MTMR14: variants seen among roughly 807,000 people sequenced by gnomAD.
The protein encoded by MTMR14 is myotubularin related protein 14.
Under a neutral mutation model 86.3 loss-of-function variants are expected in MTMR14, and 48 were observed. That is an observed-to-expected ratio of 0.56 (90% CI 0.44 to 0.71). MTMR14 has a LOEUF of 0.71. Among genes scored for constraint, MTMR14 ranks in the 30% least tolerant of loss-of-function variants. The pLI is 0.00. For synonymous variants in MTMR14, 366 were observed against 326.1 expected, an observed-to-expected ratio of 1.12 and a Z score of -1.32; for missense variants, 780 against 834.6, an observed-to-expected ratio of 0.93 and a Z score of 0.81.
chr3:9,669,351 G>C (rs1187588357), intron 4 of MTMR14, 81 bp from the exon 5 acceptor site: 1 of 1,443,158 alleles, frequency 6.9e-7, no homozygotes, highest in Non-Finnish European at 9.6e-7. Context: ...TGGCACTATG[G>C]GGAAGGAGGC....
In MTMR14 at chr3:9,672,753, A is replaced by G. The variant is rs767190111; in HGVS notation, c.746A>G (p.Tyr249Cys). 2 of 1,614,162 alleles carry G rather than the reference A, an allele frequency of 1.2e-6. No individual in the cohort carries two copies. Among genetic ancestry groups the G allele is most frequent in the Non-Finnish European group, 1.7e-6 (2 of 1,180,016 alleles). Residue 249 changes from tyrosine to cysteine, a missense_variant, in exon 7 of 19, where the codon TAT (tyrosine) becomes TGT (cysteine). Coordinates refer to ENST00000296003, the MANE Select transcript of MTMR14 (RefSeq NM_001077525.3). ...YADFTLLSIP[Y>C]PGCEFFKEYK... ...GACTTCACTCTCCTCTCCATCCCGTATCCAGGTAGGGGGCTCTCTTCTAGT... is the reference window on the plus strand; with the variant it reads ...GACTTCACTCTCCTCTCCATCCCGTGTCCAGGTAGGGGGCTCTCTTCTAGT...
At chr3:9,657,562 T>C (rs2047681102) in intron 2 of MTMR14, among the ~76,000 whole-genome samples, 1 of 151,692 alleles carries the variant, frequency 6.6e-6, no homozygotes, top group Non-Finnish European at 1.5e-5. Flanking sequence ...TTTTTTTCAA[T>C]TTGATATGGA....
intron 3 of MTMR14, among the ~76,000 whole-genome samples, chr3:9,666,195 G>GC (rs1377009541): frequency 6.9e-6 from 1 of 145,348 alleles, no homozygotes; most frequent in African/African-American, 2.6e-5. Context: ...GTGCAGTGGT[G>GC]CCATCTTGGC....
At chr3:9,683,455 T>G (rs2075836504) in intron 10 of MTMR14, 2 of 580,618 alleles carry the variant, frequency 3.4e-6, no homozygotes, top group African/African-American at 3.7e-5. Flanking sequence ...AAAACAAAAT[T>G]AAGAACTCCT....
At chr3:9,695,197 C>A (rs1397083737) in intron 17 of MTMR14, among the ~76,000 whole-genome samples, 1 of 152,208 alleles carries the variant, frequency 6.6e-6, no homozygotes. Context: ...CAGGTCCTTA[C>A]TCCCGGTGAC....
chr3:9,687,784 T>C, intron 13 of MTMR14, 37 bp from the exon 14 acceptor site: 1 of 1,544,740 alleles, frequency 6.5e-7, no homozygotes. Flanking sequence ...GCTGCCTTGG[T>C]TCTTCTCATT....
At chr3:9,675,147 T>A (rs2048785863) in intron 7 of MTMR14, among the ~76,000 whole-genome samples, 1 of 151,976 alleles carries the variant, frequency 6.6e-6, no homozygotes, top group Non-Finnish European at 1.5e-5. Flanking sequence ...ATAAAAGGCA[T>A]CAAAAGAGAC....
chr3:9,685,322 C>T (rs1375714324), intron 13 of MTMR14, 75 bp downstream of exon 13: 30 of 1,569,014 alleles, frequency 1.9e-5, no homozygotes, highest in Admixed American at 6.7e-5. Flanking sequence ...GTCTGAGTTC[C>T]ACGTGTTAGG....
rs151338402 is a variant in MTMR14 at position 9,658,572 on chromosome 3, T to C, written c.309-3695T>C. On this transcript the variant is annotated intron_variant, in intron 2 of 18. Coordinates refer to ENST00000296003, the MANE Select transcript of MTMR14 (RefSeq NM_001077525.3). ...GTACAGGTGAGGCCCTGCCGGATAG[T>C]GGTTAAAACCATGGGCCCAGTGGCT... Among the ~76,000 whole-genome samples the C allele has an allele frequency of 2.7e-3, 404 of 152,330 alleles. 3 individuals are homozygous for C. The highest frequency in any genetic ancestry group is 9.4e-3 in the African/African-American group (390 of 41,580).
intron 18 of MTMR14, chr3:9,700,765 T>C (rs1311038080): frequency 6.6e-6 from 1 of 152,122 alleles, no homozygotes; most frequent in African/African-American, 2.4e-5. Context: ...GGGCAATAGC[T>C]TCCTCCTAAG....
chr3:9,652,634 T>C (rs1478831689), intron 1 of MTMR14, among the ~76,000 whole-genome samples: 1 of 151,370 alleles, frequency 6.6e-6, no homozygotes, highest in Non-Finnish European at 1.5e-5. Flanking sequence ...GAGGCAGAGG[T>C]TGCAGTGAGC....
At chr3:9,691,916 G>A (rs755643105) in intron 17 of MTMR14, among the ~76,000 whole-genome samples, 19 of 152,162 alleles carry the variant, frequency 1.2e-4, no homozygotes, top group Admixed American at 3.3e-4. Context: ...TGATCTTTCC[G>A]CTGGTCTGTT....
intron 15 of MTMR14, 58 bp downstream of exon 15, chr3:9,688,812 C>G (rs962191726): frequency 1.9e-6 from 3 of 1,609,482 alleles, no homozygotes; most frequent in South Asian, 1.1e-5. Context: ...GTGTACAGAT[C>G]AGGCAGGAAC....
chr3:9,696,360 C>T (rs1376228809), intron 17 of MTMR14, among the ~76,000 whole-genome samples: 58 of 152,046 alleles, frequency 3.8e-4, no homozygotes, highest in Admixed American at 3.4e-3. Flanking sequence ...AAAAATTAGC[C>T]GGGCATGGTG....
In MTMR14 at chr3:9,701,254, GAT is replaced by G. The variant is rs1362344866; in HGVS notation, c.1770-534_1770-533del. 6.0e-6 allele frequency: 1 copy of G among 166,498 alleles called. No homozygotes were observed. Among genetic ancestry groups the G allele is most frequent in the Non-Finnish European group, 1.3e-5 (1 of 76,206 alleles). 10.3% of individuals were successfully genotyped at this position (166,498 alleles called of 1,614,324 possible). ...TACCCTCCTTCCCAGTGATCGCAAA[GAT>G]AGTTATTTTCACAACAGGTCAGGTC... On this transcript the variant is annotated intron_variant, in intron 18 of 18. Coordinates refer to ENST00000296003, the MANE Select transcript of MTMR14 (RefSeq NM_001077525.3). The surrounding 1 kb of genome is among the most constrained non-coding windows in gnomAD (Gnocchi z 4.2).
intron 16 of MTMR14, 44 bp downstream of exon 16, chr3:9,689,126 C>G (rs374654828): frequency 1.2e-6 from 2 of 1,601,558 alleles, no homozygotes; most frequent in East Asian, 2.2e-5. Context: ...AGCTGTGGCC[C>G]GGGGCCATCA....
At chr3:9,671,901 C>T (rs747999159) in intron 6 of MTMR14, among the ~76,000 whole-genome samples, 1 of 152,150 alleles carries the variant, frequency 6.6e-6, no homozygotes. Context: ...CTGAGGCTAA[C>T]GTTAGAGCTC....
rs761832602 is a variant in MTMR14 at position 9,697,805 on chromosome 3, G to C, written c.1708G>C (p.Val570Leu). 47 of 1,614,218 alleles carry C rather than the reference G, an allele frequency of 2.9e-5. No homozygotes were observed. The East Asian group carries it at 4.9e-4, about 17-fold the overall frequency. Residue 570 changes from valine to leucine, a missense_variant, in exon 18 of 19, where the codon GTC (valine) becomes CTC (leucine). Coordinates refer to ENST00000296003, the MANE Select transcript of MTMR14 (RefSeq NM_001077525.3). ...TGCGSIQERA[V>L]LHTDSSLPFS... Reference sequence around the variant, plus strand: ...CTGTGGCAGTATTCAGGAGCGGGCTGTCCTGCACACAGACTCCTCTCTCCC... The same window carrying C: ...CTGTGGCAGTATTCAGGAGCGGGCTCTCCTGCACACAGACTCCTCTCTCCC...
At chr3:9,662,504 G>C in intron 3 of MTMR14, 129 bp downstream of exon 3, 1 of 779,640 alleles carries the variant, frequency 1.3e-6, no homozygotes, top group Non-Finnish European at 2.2e-6. Context: ...GGTGTTGTGG[G>C]AAGCAGTCCA....
Sources: gnomAD v4.1 joint callset for allele counts (sites outside exome capture counted in the v4.1 genomes callset) on GRCh38, gnomAD v4.1.1 for gene constraint, Gnocchi (gnomAD v3.1) non-coding constraint, MANE v1.5 for transcripts, NCBI Gene and HGNC (gene_info 2026-07-23, HGNC 2026-07-21) for gene names.